The following NEGR1 variants were observed in gnomAD, a reference collection of about 807,000 sequenced individuals.
NEGR1 encodes IgLON family member 4.
A neutral mutation model predicts 40.9 loss-of-function variants in NEGR1; 10 were observed. The ratio of observed to expected loss-of-function variants is 0.24; its 90% CI spans 0.15 to 0.42. The LOEUF is 0.42. Ranked by LOEUF, NEGR1 falls within the 10% of genes least tolerant of loss-of-function variation. The pLI is 1.00. For synonymous variants in NEGR1, 185 were observed against 166.8 expected, an observed-to-expected ratio of 1.11 and a Z score of -0.84; for missense variants, 352 against 438.9, an observed-to-expected ratio of 0.80 and a Z score of 1.77.
chr1:72,140,955 T>C lies in NEGR1; in HGVS notation c.176+141364A>G, dbSNP rs138816954. On this transcript the variant is annotated intron_variant, in intron 1 of 6. Transcript: ENST00000357731. The stretch of plus-strand genomic sequence containing the variant: ...AGAAAATTTATATAGCATTACCTAA[T>C]ATGTGTTAGATAATTTGCTGAATGA... Among the ~76,000 whole-genome samples the C allele has an allele frequency of 5.9e-4, 90 of 152,170 alleles. 1 individual carries two copies. In the East Asian group the frequency reaches 0.016, roughly 26 times the overall value.
intron 1 of NEGR1, among the ~76,000 whole-genome samples, chr1:71,949,836 G>C (rs1480859652): frequency 6.6e-6 from 1 of 151,918 alleles, no homozygotes; most frequent in Non-Finnish European, 1.5e-5. Context: ...CTAAATTCTA[G>C]CCTTGACACA....
intron 1 of NEGR1, among the ~76,000 whole-genome samples, chr1:71,949,893 G>A (rs1646053712): frequency 1.3e-5 from 2 of 151,984 alleles, no homozygotes; most frequent in South Asian, 4.1e-4. Flanking sequence ...ACAAATGGAA[G>A]CTGCTCATAT....
intron 3 of NEGR1, among the ~76,000 whole-genome samples, chr1:71,748,651 A>G (rs1312737324): frequency 6.6e-6 from 1 of 152,174 alleles, no homozygotes; most frequent in Non-Finnish European, 1.5e-5. Flanking sequence ...GCTAATGCCA[A>G]TGAAATTTAT....
At position 71,964,113 on chromosome 1, in the gene NEGR1, A is replaced by G. The variant is rs146959387; in HGVS notation, c.177-28802T>C. On this transcript the variant is annotated intron_variant, in intron 1 of 6. Coordinates refer to ENST00000357731, the MANE Select transcript of NEGR1 (RefSeq NM_173808.3). ...AACCTCAATCATACTATCATTATCA[A>G]TTCTATCCCAGTTCTCTTTGACCTC... is the stretch of plus-strand genomic sequence containing the variant. Among the ~76,000 whole-genome samples the G allele has an allele frequency of 2.2e-4, 33 of 152,278 alleles. No homozygotes were observed. The East Asian group carries it at 6.4e-3, about 29-fold the overall frequency.
At chr1:71,860,136 A>T (rs1248928562) in intron 2 of NEGR1, among the ~76,000 whole-genome samples, 1 of 151,912 alleles carries the variant, frequency 6.6e-6, no homozygotes, top group African/African-American at 2.4e-5. Context: ...CAAGAAGCTC[A>T]TAGCTTTATG....
At chr1:72,207,946 G>A (rs950347614) in intron 1 of NEGR1, among the ~76,000 whole-genome samples, 1 of 151,594 alleles carries the variant, frequency 6.6e-6, no homozygotes, top group Non-Finnish European at 1.5e-5. Context: ...TGATTATACT[G>A]ATAAAGGTGA....
chr1:71,409,881 A>C (rs572655288), intron 6 of NEGR1, among the ~76,000 whole-genome samples: 1 of 151,974 alleles, frequency 6.6e-6, no homozygotes, highest in Non-Finnish European at 1.5e-5. Context: ...AAAATGTACT[A>C]TAGTAGTATA....
At chr1:71,675,112 C>CATATATATATATATATATATATATATAT (rs1553157758) in intron 4 of NEGR1, among the ~76,000 whole-genome samples, 1,961 of 44,796 alleles carry the variant, frequency 0.044, 266 homozygotes, top group East Asian at 0.086. Context: ...CATGTTTATT[C>CATATATATATATATATATATATATATAT]ATATATATAT....
chr1:71,493,898 G>T (rs949451947), intron 6 of NEGR1, among the ~76,000 whole-genome samples: 7 of 152,112 alleles, frequency 4.6e-5, no homozygotes, highest in African/African-American at 1.4e-4. Flanking sequence ...ACATTTGCTG[G>T]GATGGGATCC....
At position 71,592,879 on chromosome 1, in the gene NEGR1, C is replaced by A. The variant is rs1265992180; in HGVS notation, c.878G>T (p.Gly293Val). The A allele has an allele frequency of 6.2e-7, 1 of 1,612,766 alleles. No individual in the cohort carries two copies. The highest frequency in any genetic ancestry group is 1.1e-5 in the South Asian group (1 of 91,020). ...TVTNVTQEHF[G>V]NYTCVAANKL... The stretch of plus-strand genomic sequence containing the variant: ...GTTGGCAGCCACACAGGTATAATTG[C>A]CGAAGTGCTCCTGTGTCACGTTGGT... The change falls in exon 6 of 7, where the codon GGC becomes GTC. Residue 293 changes from glycine (G) to valine (V), a missense_variant. By Grantham distance (109) the Gly-to-Val change is moderately radical (BLOSUM62 -3). Around this residue, in one of 5 missense-constraint regions of NEGR1, gnomAD observed 184 missense variants for 208.7 expected, o/e 0.88. Transcript: ENST00000357731.
At chr1:72,111,275 G>A (rs1350816784) in intron 1 of NEGR1, among the ~76,000 whole-genome samples, 4 of 151,638 alleles carry the variant, frequency 2.6e-5, no homozygotes, top group African/African-American at 9.7e-5. Flanking sequence ...CCACTGAAAT[G>A]CTGTGAGGAT....
At chr1:71,701,091 A>AC (rs1653675960) in intron 3 of NEGR1, among the ~76,000 whole-genome samples, 1 of 151,998 alleles carries the variant, frequency 6.6e-6, no homozygotes, top group Admixed American at 6.6e-5. Context: ...TTTGAGTCTG[A>AC]TGAGACCAGT....
chr1:71,606,746 G>GT lies in NEGR1; in HGVS notation c.788+4279dup, dbSNP rs80329426. Among the ~76,000 whole-genome samples the GT allele has an allele frequency of 9.4e-3, 1,309 of 139,066 alleles. 9 individuals carry two copies. The highest frequency in any genetic ancestry group is 0.02 in the African/African-American group (767 of 38,996). The allele number at this position is 139,066 out of a possible 152,430, so 91.2% of individuals were successfully genotyped here. A position where few individuals can be genotyped will look rare whatever the true frequency, so the allele number is the denominator to read the frequency against. Reference sequence around the variant, plus strand: ...AAAGAATTCAAAGAAACTGGAAAGTGTTTTTTTTTTTTTTCCTCAGTAAGT... The same window carrying GT: ...AAAGAATTCAAAGAAACTGGAAAGTGTTTTTTTTTTTTTTTCCTCAGTAAGT... On this transcript the variant is annotated intron_variant, in intron 5 of 6. Transcript: ENST00000357731.
At chr1:72,077,859 A>G (rs1647817958) in intron 1 of NEGR1, among the ~76,000 whole-genome samples, 1 of 152,124 alleles carries the variant, frequency 6.6e-6, no homozygotes, top group South Asian at 2.1e-4. Context: ...TCAAGCACAA[A>G]GAATTAAAAG....
intron 3 of NEGR1, among the ~76,000 whole-genome samples, chr1:71,726,950 A>G (rs1654696368): frequency 6.6e-6 from 1 of 152,138 alleles, no homozygotes; most frequent in African/African-American, 2.4e-5. Context: ...ACTCTACGTG[A>G]CCTAATATAG....
intron 1 of NEGR1, among the ~76,000 whole-genome samples, chr1:71,996,726 A>C (rs564211032): frequency 6.6e-6 from 1 of 152,224 alleles, no homozygotes; most frequent in East Asian, 1.9e-4. Context: ...AGGCATTATA[A>C]AAGGATCAGA....
intron 1 of NEGR1, among the ~76,000 whole-genome samples, chr1:72,047,138 TG>T (rs935651392): frequency 1.3e-5 from 2 of 151,400 alleles, no homozygotes; most frequent in African/African-American, 2.4e-5. Context: ...TGTTTTGTTT[TG>T]TTTTTTTTTT....
chr1:71,846,116 C>T (rs550993096), intron 2 of NEGR1, among the ~76,000 whole-genome samples: 4 of 152,078 alleles, frequency 2.6e-5, no homozygotes, highest in African/African-American at 9.6e-5. Context: ...GTTATTCTCT[C>T]TCCTGCCAAC....
chr1:71,687,791 G>C (rs1653087193), intron 4 of NEGR1, among the ~76,000 whole-genome samples: 1 of 152,236 alleles, frequency 6.6e-6, no homozygotes, highest in East Asian at 1.9e-4. Context: ...AGTTTGTTGA[G>C]AATAATTAGG....
Sources: gnomAD v4.1 joint callset for allele counts (sites outside exome capture counted in the v4.1 genomes callset) on GRCh38, gnomAD v4.1.1 for gene constraint, gnomAD v4.1.1 regional missense constraint, MANE v1.5 for transcripts, NCBI Gene and HGNC (gene_info 2026-07-23, HGNC 2026-07-21) for gene names.